MAGI2: variants seen among roughly 807,000 people sequenced by gnomAD.
MAGI2 encodes membrane-associated guanylate kinase, WW and PDZ domain-containing protein 2.
Under a neutral mutation model 133.3 loss-of-function variants are expected in MAGI2, and 35 were observed. The observed-to-expected ratio is 0.26, with a 90% CI of 0.20 to 0.35. The LOEUF (loss-of-function observed/expected upper bound fraction) is 0.35, where lower values mean the gene tolerates loss of function less well. Ranked by LOEUF, MAGI2 falls within the 10% of genes least tolerant of loss-of-function variation. MAGI2 has a pLI of 1.00. For missense variants in MAGI2, 1,636 were observed against 1,863.4 expected, an observed-to-expected ratio of 0.88 and a Z score of 2.25; for synonymous variants, 729 against 710.6, an observed-to-expected ratio of 1.03 and a Z score of -0.41.
intron 1 of MAGI2, chr7:79,351,812 T>C (rs963401594): frequency 2.0e-5 from 3 of 152,184 alleles, no homozygotes; most frequent in African/African-American, 7.2e-5. Context: ...TAAATCTTTC[T>C]TCCATTACTT....
At chr7:78,391,469 A>G (rs1562933016) in intron 6 of MAGI2, among the ~76,000 whole-genome samples, 1 of 152,228 alleles carries the variant, frequency 6.6e-6, no homozygotes, top group Non-Finnish European at 1.5e-5. Flanking sequence ...ATCTGCCAAA[A>G]TTCACTCTCT....
At chr7:78,120,154 G>A (rs1442469978) in intron 20 of MAGI2, among the ~76,000 whole-genome samples, 1 of 152,332 alleles carries the variant, frequency 6.6e-6, no homozygotes, top group East Asian at 1.9e-4. Flanking sequence ...TGTAATCCCA[G>A]CACTTTGGAA....
intron 2 of MAGI2, among the ~76,000 whole-genome samples, chr7:78,631,525 G>A (rs1427461695): frequency 1.3e-5 from 2 of 152,098 alleles, no homozygotes; most frequent in South Asian, 2.1e-4. Flanking sequence ...TCAAGAGAGT[G>A]GGTTGAAAAA....
At chr7:78,800,716 A>T (rs1787990703) in intron 2 of MAGI2, among the ~76,000 whole-genome samples, 1 of 152,138 alleles carries the variant, frequency 6.6e-6, no homozygotes, top group African/African-American at 2.4e-5. Flanking sequence ...AAATGATTCT[A>T]TTGTGTCTTG....
At chr7:79,213,238 GTATATATGTGGGTGTGTATATA>G (rs1303055533) in intron 1 of MAGI2, among the ~76,000 whole-genome samples, 2 of 143,972 alleles carry the variant, frequency 1.4e-5, no homozygotes, top group Non-Finnish European at 3.1e-5. Flanking sequence ...GTGTGTGTGT[GTATATATGTGGGTGTGTATATA>G]TATATGTGGG....
chr7:79,076,697 A>C (rs1430983342), intron 1 of MAGI2, among the ~76,000 whole-genome samples: 1 of 152,236 alleles, frequency 6.6e-6, no homozygotes, highest in Non-Finnish European at 1.5e-5. Context: ...TTTTTGGAAG[A>C]TAAGCAAAAT....
At chr7:78,212,373 G>A (rs990599416) in intron 10 of MAGI2, among the ~76,000 whole-genome samples, 5 of 152,140 alleles carry the variant, frequency 3.3e-5, no homozygotes, top group African/African-American at 4.8e-5. Context: ...CCTACTACAC[G>A]AGTCCTTTCA....
chr7:79,119,784 C>T (rs995442690), intron 1 of MAGI2, among the ~76,000 whole-genome samples: 42 of 151,906 alleles, frequency 2.8e-4, no homozygotes, highest in Non-Finnish European at 5.7e-4. Flanking sequence ...CTTGGCTCAG[C>T]TATCTACAGT....
At chr7:78,816,555 T>C (rs2151419928) in intron 2 of MAGI2, among the ~76,000 whole-genome samples, 1 of 152,334 alleles carries the variant, frequency 6.6e-6, no homozygotes, top group African/African-American at 2.4e-5. Context: ...AGCTGGTGAC[T>C]TTAAGTTGAA....
intron 2 of MAGI2, among the ~76,000 whole-genome samples, chr7:78,817,165 T>A (rs755725261): frequency 3.9e-5 from 6 of 152,134 alleles, no homozygotes; most frequent in African/African-American, 9.7e-5. Flanking sequence ...AAGGTACAAT[T>A]AGAAGCAGAG....
chr7:78,416,217 C>G (rs112841364), intron 6 of MAGI2, among the ~76,000 whole-genome samples: 55 of 152,150 alleles, frequency 3.6e-4, no homozygotes, highest in African/African-American at 1.3e-3. Flanking sequence ...AGGAGGGATG[C>G]AAATGATTCC....
At chr7:79,438,372 G>A (rs10252494) in intron 1 of MAGI2, among the ~76,000 whole-genome samples, 22,141 of 151,930 alleles carry the variant, frequency 0.15, 2,275 homozygotes, top group African/African-American at 0.3. Context: ...TAATTCCAAT[G>A]CCTAATCTAA....
chr7:78,833,762 T>C (rs773551935), intron 2 of MAGI2, among the ~76,000 whole-genome samples: 42 of 152,148 alleles, frequency 2.8e-4, no homozygotes, highest in Non-Finnish European at 5.1e-4. Context: ...GTAATATCCT[T>C]TGTTGTTGTA....
At chr7:79,119,506 G>C (rs528347347) in intron 1 of MAGI2, among the ~76,000 whole-genome samples, 1 of 152,126 alleles carries the variant, frequency 6.6e-6, no homozygotes, top group South Asian at 2.1e-4. Flanking sequence ...CACATCAAAT[G>C]GATGAAAAGT....
chr7:79,289,611 A>G (rs1288484709), intron 1 of MAGI2, among the ~76,000 whole-genome samples: 5 of 152,168 alleles, frequency 3.3e-5, no homozygotes, highest in African/African-American at 1.2e-4. Flanking sequence ...GATCAAAGAC[A>G]TTATCTTTAG....
intron 2 of MAGI2, among the ~76,000 whole-genome samples, chr7:78,632,659 A>G (rs1413199481): frequency 6.6e-6 from 1 of 152,226 alleles, no homozygotes; most frequent in Non-Finnish European, 1.5e-5. Context: ...TTTTCAAAGG[A>G]TAAACATGGC....
At chr7:79,351,013 A>G (rs1354423139) in intron 1 of MAGI2, among the ~76,000 whole-genome samples, 1 of 152,170 alleles carries the variant, frequency 6.6e-6, no homozygotes, top group Non-Finnish European at 1.5e-5. Flanking sequence ...AGTAAATGTT[A>G]TTATAGAGCA....
At chr7:79,039,472 T>C (rs189705783) in intron 1 of MAGI2, among the ~76,000 whole-genome samples, 557 of 152,218 alleles carry the variant, frequency 3.7e-3, no homozygotes, top group Non-Finnish European at 6.0e-3. Flanking sequence ...GTGTTATTGC[T>C]TTATTCACAG....
intron 2 of MAGI2, among the ~76,000 whole-genome samples, chr7:78,793,986 A>G (rs779182916): frequency 6.6e-6 from 1 of 152,206 alleles, no homozygotes; most frequent in Non-Finnish European, 1.5e-5. Flanking sequence ...GTTTTTTGAA[A>G]GATGAATTTA....
Sources: allele counts gnomAD v4.1 joint callset (sites outside exome capture counted in the v4.1 genomes callset), GRCh38; gene constraint gnomAD v4.1.1; transcripts MANE v1.5; gene names NCBI Gene and HGNC (gene_info 2026-07-23, HGNC 2026-07-21).